COL18A1: variants seen among roughly 807,000 people sequenced by gnomAD.
COL18A1 encodes collagen type XVIII alpha 1 chain.
In COL18A1, 133 loss-of-function variants were observed where a neutral mutation model predicts 168.0. The observed-to-expected ratio is 0.79, with a 90% CI of 0.69 to 0.91. The LOEUF (loss-of-function observed/expected upper bound fraction) is 0.91. COL18A1 is among the 40% of genes least tolerant of loss of function. The pLI is 0.00. For missense variants in COL18A1, 2,126 were observed against 1,925.4 expected (o/e 1.10, Z -1.95); for synonymous variants, 949 against 809.0 (o/e 1.17, Z -2.94).
In COL18A1 at chr21:45,443,132, GGGCGGC is replaced by G. The variant is rs2034427384; in HGVS notation, c.107-25107_107-25102del. On this transcript the variant is annotated intron_variant, in intron 2 of 41. Transcript: ENST00000651438. The surrounding 1 kb of genome is among the most constrained non-coding windows in gnomAD (Gnocchi z 5.2). ...CTGGTGTGGGCGGCGGTGCTGGTGT[GGGCGGC>G]GGTGCTGGTGTGGGCGGCGGTGCTG... is the stretch of plus-strand genomic sequence containing the variant. 6.7e-6 allele frequency among the ~76,000 whole-genome samples: 1 copy of G among 149,442 alleles called. No individual in the cohort carries two copies. The highest frequency in any genetic ancestry group is 2.5e-5 in the African/African-American group (1 of 40,438).
At chr21:45,483,477 C>A (rs1729820669) in intron 15 of COL18A1, among the ~76,000 whole-genome samples, 1 of 152,108 alleles carries the variant, frequency 6.6e-6, no homozygotes, top group Non-Finnish European at 1.5e-5. Flanking sequence ...CCCCAACGAC[C>A]CACTTCCTCC....
chr21:45,509,063 G>C (rs755187126), intron 38 of COL18A1, among the ~76,000 whole-genome samples: 1 of 152,130 alleles, frequency 6.6e-6, no homozygotes, highest in Non-Finnish European at 1.5e-5. Context: ...TTGGAGCCGC[G>C]GCAAAGGAGA....
intron 15 of COL18A1, 93 bp from the exon 16 acceptor site, chr21:45,486,768 T>TG (rs1245063285): frequency 7.2e-7 from 1 of 1,383,938 alleles, no homozygotes; most frequent in Non-Finnish European, 9.8e-7. Flanking sequence ...TTGCAGGGTT[T>TG]AGAAAGCATC....
At chr21:45,433,684 T>C (rs2034025834) in intron 2 of COL18A1, among the ~76,000 whole-genome samples, 1 of 152,224 alleles carries the variant, frequency 6.6e-6, no homozygotes, top group African/African-American at 2.4e-5. Flanking sequence ...GCAGCTCACA[T>C]TCCTGAGCTC....
chr21:45,490,905 G>C (rs1334487367), intron 21 of COL18A1, 34 bp downstream of exon 21: 3 of 1,542,658 alleles, frequency 1.9e-6, no homozygotes, highest in Non-Finnish European at 2.6e-6. Context: ...ATGGGGATGG[G>C]GGGCGCTGGG....
intron 2 of COL18A1, among the ~76,000 whole-genome samples, chr21:45,450,856 G>A (rs544507336): frequency 3.3e-5 from 5 of 152,370 alleles, no homozygotes; most frequent in South Asian, 2.1e-4. Context: ...TTTGGAGCCC[G>A]TGGCTGGCGT....
chr21:45,409,958 G>T (rs998635549), intron 2 of COL18A1: 1 of 152,236 alleles, frequency 6.6e-6, no homozygotes, highest in African/African-American at 2.4e-5. Context: ...CGGCCCTGGC[G>T]GTAACGTTTT....
intron 3 of COL18A1, among the ~76,000 whole-genome samples, chr21:45,470,441 T>TTG (rs2035370589): frequency 6.7e-6 from 1 of 149,004 alleles, no homozygotes; most frequent in Non-Finnish European, 1.5e-5. Context: ...TTTTTTTTTT[T>TTG]TTTTTGACTA....
In COL18A1 at chr21:45,510,072, G is replaced by T; in HGVS notation, c.3504G>T (p.Leu1168=). The T allele has an allele frequency of 1.3e-6, 2 of 1,571,868 alleles. No individual in the cohort carries two copies. Among genetic ancestry groups the T allele is most frequent in the Non-Finnish European group, 1.7e-6 (2 of 1,163,462 alleles). Residue 1168 remains leucine (L), a synonymous_variant, in exon 40 of 42, where the codon CTG becomes CTT. Coordinates refer to ENST00000651438, the MANE Select transcript of COL18A1 (RefSeq NM_001379500.1). ...SHRDFQPVLH[L]VALNSPLSGG... is the part of the protein sequence containing the mutation. ...CGCCCCTCTCCCCGCAGCTCCACCT[G>T]GTTGCGCTCAACAGCCCCCTGTCAG...
intron 8 of COL18A1, 95 bp from the exon 9 acceptor site, chr21:45,478,232 G>A (rs2035753155): frequency 1.3e-6 from 2 of 1,541,818 alleles, no homozygotes; most frequent in Admixed American, 3.4e-5. Context: ...CCGCCTCGTG[G>A]GGACTTGGAG....
chr21:45,498,553 CTG>C lies in COL18A1; in HGVS notation c.2683+893_2683+894del. On this transcript the variant is annotated intron_variant, in intron 32 of 41. Transcript: ENST00000651438. The surrounding 1 kb of genome is among the most constrained non-coding windows in gnomAD (Gnocchi z 4.5). ...TACCTGCTCTTGCTGGGGCTGCACT[CTG>C]GGGTGGGAAGGGACCAGGCAGGCAG... The C allele has an allele frequency of 1.4e-6, 1 of 716,922 alleles. No individual in the cohort carries two copies. Among genetic ancestry groups the C allele is most frequent in the Non-Finnish European group, 2.6e-6 (1 of 385,022 alleles). 44.4% of individuals were successfully genotyped at this position (716,922 alleles called of 1,614,324 possible).
At chr21:45,479,174 G>T (rs538187171) in intron 9 of COL18A1, among the ~76,000 whole-genome samples, 269 of 101,240 alleles carry the variant, frequency 2.7e-3, no homozygotes, top group Middle Eastern at 0.017. Flanking sequence ...ATGTGTGACT[G>T]CGCGTGTGTG....
At chr21:45,475,608 A>G (rs1232751188) in intron 5 of COL18A1, 73 bp downstream of exon 5, 13 of 845,518 alleles carry the variant, frequency 1.5e-5, no homozygotes, top group Admixed American at 6.2e-5. Flanking sequence ...GGGGTGACAC[A>G]TGTGCACACG....
rs2034422657 is a variant in COL18A1, at chr21:45,443,057, CGGTGGTGGTGCTGGTGTGGGT to C, written c.107-25171_107-25151del. Among the ~76,000 whole-genome samples the C allele has an allele frequency of 2.1e-5, 2 of 93,382 alleles. No individual in the cohort carries two copies. The highest frequency in any genetic ancestry group is 3.5e-4 in the South Asian group (1 of 2,852). The allele number at this position is 93,382 out of a possible 152,430, so 61.3% of individuals were successfully genotyped here. Reference sequence around the variant, plus strand: ...ATGTGGGCGGCGGTGCTGGTGTGGGCGGTGGTGGTGCTGGTGTGGGTGGTGGTGGTGCTGATGTGGGCGGCG... The same window carrying C: ...ATGTGGGCGGCGGTGCTGGTGTGGGCGGTGGTGGTGCTGATGTGGGCGGCG... On this transcript the variant is annotated intron_variant, in intron 2 of 41. Transcript: ENST00000651438. This position sits in a 1 kb window ranked among gnomAD's most constrained non-coding sequence, Gnocchi z 5.2.
intron 15 of COL18A1, among the ~76,000 whole-genome samples, chr21:45,486,259 G>A (rs1229204133): frequency 6.7e-5 from 10 of 149,636 alleles, no homozygotes; most frequent in African/African-American, 2.5e-4. Context: ...TTCTCCCCTT[G>A]CCTGCCGGGG....
chr21:45,460,688 T>C (rs986029418), intron 2 of COL18A1, among the ~76,000 whole-genome samples: 2 of 152,234 alleles, frequency 1.3e-5, no homozygotes, highest in African/African-American at 4.8e-5. Flanking sequence ...GATGTTTCCA[T>C]GTAACTTTGG....
At chr21:45,448,916 TG>T in intron 2 of COL18A1, among the ~76,000 whole-genome samples, 1 of 152,098 alleles carries the variant, frequency 6.6e-6, no homozygotes, top group Non-Finnish European at 1.5e-5. Context: ...TGGGTTTCTA[TG>T]GGGGTGTCTG....
At position 45,477,985 on chromosome 21, in the gene COL18A1, C is replaced by G. The variant is rs778158404; in HGVS notation, c.1221+20C>G. The G allele has an allele frequency of 1.0e-5, 13 of 1,301,444 alleles. No homozygotes were observed. The South Asian group carries it at 1.1e-4, about 11-fold the overall frequency. 80.6% of individuals were successfully genotyped at this position (1,301,444 alleles called of 1,614,324 possible). On this transcript the variant is annotated intron_variant, in intron 8 of 41. Transcript: ENST00000651438. ...GAGCCGGTGAGTCCTCACGTCCCCC[C>G]GAGTCCGGCCCGGTCTGGAGGGTGG...
chr21:45,476,367 C>G lies in COL18A1; in HGVS notation c.815C>G (p.Pro272Arg). ...LREETGAALK[P>R]RLPAPPPVTT... is the part of the protein sequence containing the mutation. ...GTCCTCCAGGGCGCGGCCCTAAAACCCAGGCTCCCCGCGCCACCCCCCGTC... is the reference window on the plus strand; with the variant it reads ...GTCCTCCAGGGCGCGGCCCTAAAACGCAGGCTCCCCGCGCCACCCCCCGTC... Residue 272 changes from proline (P) to arginine (R), a missense_variant, in exon 6 of 42, where the codon CCC becomes CGC. By Grantham distance (103) the Pro-to-Arg change is moderately radical. Coordinates refer to ENST00000651438, the MANE Select transcript of COL18A1 (RefSeq NM_001379500.1). 1 of 1,614,102 alleles carries G rather than the reference C, an allele frequency of 6.2e-7. No individual in the cohort carries two copies. Among genetic ancestry groups the G allele is most frequent in the Non-Finnish European group, 8.5e-7 (1 of 1,180,016 alleles).
Sources: gnomAD v4.1 joint callset for allele counts (sites outside exome capture counted in the v4.1 genomes callset) on GRCh38, gnomAD v4.1.1 for gene constraint, Gnocchi (gnomAD v3.1) non-coding constraint, MANE v1.5 for transcripts, NCBI Gene and HGNC (gene_info 2026-07-23, HGNC 2026-07-21) for gene names.